Variants in C1GALT1 observed in about 807,000 individuals in gnomAD.
C1GALT1 encodes the protein core 1 synthase, glycoprotein-N-acetylgalactosamine 3-beta-galactosyltransferase 1, also known as glycoprotein-N-acetylgalactosamine 3-beta-galactosyltransferase 1.
Under a neutral mutation model 31.0 loss-of-function variants are expected in C1GALT1, and 11 were observed. That is an observed-to-expected ratio of 0.36 (90% CI 0.22 to 0.59). The LOEUF (loss-of-function observed/expected upper bound fraction) is 0.59. C1GALT1 is among the 20% of genes least tolerant of loss of function. C1GALT1 has a pLI of 0.79. For missense variants in C1GALT1, 424 were observed against 425.2 expected (o/e 1.00, Z 0.03); for synonymous variants, 175 against 143.6 (o/e 1.22, Z -1.56).
At chr7:7,172,734 TACAGCCTCCCCC>T (rs1206321662) in intron 2 of C1GALT1, among the ~76,000 whole-genome samples, 1 of 152,182 alleles carries the variant, frequency 6.6e-6, no homozygotes, top group Non-Finnish European at 1.5e-5. Context: ...CTCACACAAA[TACAGCCTCCCCC>T]ACTATCAACA....
chr7:7,175,149 TGTAGCA>T lies in C1GALT1; in HGVS notation c.-18+17726_-18+17731del, dbSNP rs139170227. On this transcript the variant is annotated intron_variant, in intron 2 of 3. Transcript: ENST00000429911. ...TTGCTGTTTTCTGGTTCTTGAAGGC[TGTAGCA>T]GTCAGTTTATTTGATGCCTGTCTCA... Among the ~76,000 whole-genome samples the T allele has an allele frequency of 8.3e-3, 1,257 of 152,332 alleles. 19 individuals carry two copies. Among genetic ancestry groups the T allele is most frequent in the East Asian group, 0.039 (204 of 5,178 alleles).
chr7:7,219,850 T>C (rs1782427352), intron 1 of C1GALT1, among the ~76,000 whole-genome samples: 1 of 152,172 alleles, frequency 6.6e-6, no homozygotes, highest in Non-Finnish European at 1.5e-5. Flanking sequence ...GAAATTGTTG[T>C]ATATAAAATA....
At chr7:7,227,769 C>T (rs1782843334) in intron 1 of C1GALT1, among the ~76,000 whole-genome samples, 1 of 151,798 alleles carries the variant, frequency 6.6e-6, no homozygotes, top group African/African-American at 2.4e-5. Flanking sequence ...AACACGTTAG[C>T]ATGCGTATCC....
At chr7:7,185,907 C>T (rs1169480096) in intron 1 of C1GALT1, among the ~76,000 whole-genome samples, 1 of 152,182 alleles carries the variant, frequency 6.6e-6, no homozygotes, top group Non-Finnish European at 1.5e-5. Context: ...GGGACACTTA[C>T]ATTTATTTAC....
intron 2 of C1GALT1, among the ~76,000 whole-genome samples, chr7:7,171,907 T>C (rs983024448): frequency 6.6e-6 from 1 of 152,172 alleles, no homozygotes; most frequent in Non-Finnish European, 1.5e-5. Context: ...AATGTCTTTT[T>C]ACATCTTTAA....
chr7:7,174,233 T>A (rs1403809090), intron 2 of C1GALT1, among the ~76,000 whole-genome samples: 1 of 152,094 alleles, frequency 6.6e-6, no homozygotes, highest in Non-Finnish European at 1.5e-5. Context: ...CCACACTAGG[T>A]GTTAGGGCTT....
chr7:7,198,950 G>T (rs144219304), intron 1 of C1GALT1, among the ~76,000 whole-genome samples: 4,883 of 151,916 alleles, frequency 0.032, 278 homozygotes, highest in African/African-American at 0.11. Context: ...TCTTGCTAGC[G>T]GTCTATCCAT....
chr7:7,158,089 C>T (rs1780293239), intron 2 of C1GALT1, among the ~76,000 whole-genome samples: 1 of 152,188 alleles, frequency 6.6e-6, no homozygotes, highest in South Asian at 2.1e-4. Flanking sequence ...CCTCACATGA[C>T]CACAGCTGAA....
At chr7:7,187,901 A>G (rs1235412423) in intron 1 of C1GALT1, among the ~76,000 whole-genome samples, 1 of 152,198 alleles carries the variant, frequency 6.6e-6, no homozygotes, top group Non-Finnish European at 1.5e-5. Context: ...TTTATATATC[A>G]TGTTAATAAA....
chr7:7,167,588 AT>A (rs1037681728), intron 2 of C1GALT1, among the ~76,000 whole-genome samples: 5 of 149,004 alleles, frequency 3.4e-5, no homozygotes, highest in South Asian at 2.1e-4. Context: ...TTTGTTGTTC[AT>A]TTTTTTTTTC....
In C1GALT1 at chr7:7,238,994, A is replaced by G. The variant is rs1475535337; in HGVS notation, c.888+72A>G. 9 of 1,231,304 alleles carry G rather than the reference A, an allele frequency of 7.3e-6. No individual in the cohort carries two copies. The highest frequency in any genetic ancestry group is 7.3e-5 in the South Asian group (5 of 68,596). The allele number at this position is 1,231,304 out of a possible 1,614,324, so 76.3% of individuals were successfully genotyped here. A position where few individuals can be genotyped will look rare whatever the true frequency, so the allele number is the denominator to read the frequency against. ...ATTTTGTTGATAAAAACATGTTAATATGTGTATGTTTCTTTAGTACCAACA... is the reference window on the plus strand; with the variant it reads ...ATTTTGTTGATAAAAACATGTTAATGTGTGTATGTTTCTTTAGTACCAACA... On this transcript the variant is annotated intron_variant, in intron 3 of 3. Coordinates refer to ENST00000436587, the MANE Select transcript of C1GALT1 (RefSeq NM_020156.5). This position sits in a 1 kb window ranked among gnomAD's most constrained non-coding sequence, Gnocchi z 5.2.
At chr7:7,223,600 A>T (rs530203566) in intron 1 of C1GALT1, among the ~76,000 whole-genome samples, 1 of 152,084 alleles carries the variant, frequency 6.6e-6, no homozygotes, top group Admixed American at 6.5e-5. Flanking sequence ...TGGCATGTGT[A>T]TCTTATATCC....
At chr7:7,219,638 AC>A (rs1185462291) in intron 1 of C1GALT1, among the ~76,000 whole-genome samples, 2 of 152,252 alleles carry the variant, frequency 1.3e-5, no homozygotes, top group Non-Finnish European at 2.9e-5. Context: ...TCCTAAGATT[AC>A]TTTTTGAGAG....
intron 1 of C1GALT1, among the ~76,000 whole-genome samples, chr7:7,183,154 G>A (rs1043971486): frequency 2.0e-5 from 3 of 152,036 alleles, no homozygotes; most frequent in Admixed American, 6.5e-5. Context: ...TGGCGGCGCG[G>A]CGGGGCGCGC....
At position 7,183,435 on chromosome 7, in the gene C1GALT1, C is replaced by T. The variant is rs962611095; in HGVS notation, c.-18+615C>T. 1.1e-4 allele frequency: 23 copies of T among 213,854 alleles called. No individual in the cohort carries two copies. The East Asian group carries it at 1.5e-3, about 14-fold the overall frequency. The allele number at this position is 213,854 out of a possible 1,614,324, so 13.2% of individuals were successfully genotyped here. A position where few individuals can be genotyped will look rare whatever the true frequency, so the allele number is the denominator to read the frequency against. ...GATTTATTTCTTTAAGTTTCCCTGCCGCAGAGTGAAGCAGATACGTGTGTG... is the reference window on the plus strand; with the variant it reads ...GATTTATTTCTTTAAGTTTCCCTGCTGCAGAGTGAAGCAGATACGTGTGTG... On this transcript the variant is annotated intron_variant, in intron 1 of 3. Coordinates refer to ENST00000436587, the MANE Select transcript of C1GALT1 (RefSeq NM_020156.5).
intron 1 of C1GALT1, among the ~76,000 whole-genome samples, chr7:7,183,930 G>C (rs1780703662): frequency 6.6e-6 from 1 of 152,168 alleles, no homozygotes; most frequent in Non-Finnish European, 1.5e-5. Context: ...AGAGAAATAT[G>C]TTAACTTACT....
intron 1 of C1GALT1, among the ~76,000 whole-genome samples, chr7:7,203,721 T>A (rs548185775): frequency 6.6e-6 from 1 of 152,218 alleles, no homozygotes; most frequent in Admixed American, 6.5e-5. Flanking sequence ...GACACAGTCA[T>A]TGTACATATT....
chr7:7,159,715 C>G (rs572974707), intron 2 of C1GALT1, among the ~76,000 whole-genome samples: 1 of 152,228 alleles, frequency 6.6e-6, no homozygotes, highest in African/African-American at 2.4e-5. Context: ...TATCTGCAAT[C>G]TTTAGATAAT....
chr7:7,167,880 C>T (rs1053421846), intron 2 of C1GALT1, among the ~76,000 whole-genome samples: 1 of 152,188 alleles, frequency 6.6e-6, no homozygotes, highest in Admixed American at 6.6e-5. Context: ...GTCCTTGTCT[C>T]TGAAGGCTTG....
Sources: gnomAD v4.1 joint callset for allele counts (sites outside exome capture counted in the v4.1 genomes callset) on GRCh38, gnomAD v4.1.1 for gene constraint, Gnocchi (gnomAD v3.1) non-coding constraint, MANE v1.5 for transcripts, NCBI Gene and HGNC (gene_info 2026-07-23, HGNC 2026-07-21) for gene names.